AKAP7: variants seen among roughly 807,000 people sequenced by gnomAD.
The protein encoded by AKAP7 is A-kinase anchoring protein 7, also known as A kinase (PRKA) anchor protein 7.
Under a neutral mutation model 39.5 loss-of-function variants are expected in AKAP7, and 39 were observed. The ratio of observed to expected loss-of-function variants is 0.99; its 90% confidence interval spans 0.76 to 1.29. AKAP7 has a LOEUF of 1.29. Among genes scored for constraint, AKAP7 ranks in the 50% most tolerant of loss-of-function variants. The pLI, the probability that AKAP7 is intolerant of heterozygous loss-of-function variation, is 0.00. For synonymous variants in AKAP7, 140 were observed against 139.1 expected (o/e 1.01, Z -0.05); for missense variants, 414 against 407.7 (o/e 1.02, Z -0.13).
At chr6:131,250,692 CTCT>C in intron 7 of AKAP7, 1 of 1,491,002 alleles carries the variant, frequency 6.7e-7, no homozygotes, top group Non-Finnish European at 9.3e-7. Context: ...GGTAGTTTTG[CTCT>C]TTTTTTAATG....
rs746717383 is a variant in AKAP7 at position 131,165,157 on chromosome 6, A to C, written c.368A>C (p.Asp123Ala). Residue 123 changes from aspartate to alanine, a missense_variant, in exon 4 of 8, where the codon GAT becomes GCT. Coordinates refer to ENST00000431975, the MANE Select transcript of AKAP7 (RefSeq NM_016377.4). ...DERLAKAMVS[D>A]GSFHITLLVM... The stretch of plus-strand genomic sequence containing the variant: ...CGACTGGCCAAAGCAATGGTCAGTG[A>C]TGGTTCCTTTCATATTACCCTGCTG... The C allele has an allele frequency of 6.2e-6, 10 of 1,611,512 alleles. No individual in the cohort carries two copies. The South Asian group carries it at 6.6e-5, about 11-fold the overall frequency.
intron 5 of AKAP7, among the ~76,000 whole-genome samples, chr6:131,186,352 CATTATG>C (rs1323919908): frequency 2.6e-5 from 4 of 152,120 alleles, no homozygotes. Flanking sequence ...GAGATGCTGG[CATTATG>C]CTTCCTGTAC....
At position 131,254,314 on chromosome 6, in the gene AKAP7, AT is replaced by A. The variant is rs770756762; in HGVS notation, c.851-27213del. ...TTGCTGACTACTTATATAGAACTTGATTTATTTGAATTACCTAATTTCTCAT... is the reference window on the plus strand; with the variant it reads ...TTGCTGACTACTTATATAGAACTTGATTATTTGAATTACCTAATTTCTCAT... On this transcript the variant is annotated intron_variant, in intron 7 of 7. Transcript: ENST00000431975. Among the ~76,000 whole-genome samples, 18 of 152,284 alleles carry A rather than the reference AT, an allele frequency of 1.2e-4. 1 individual carries two copies. In the East Asian group the frequency reaches 3.3e-3, roughly 28 times the overall value.
chr6:131,256,701 C>T (rs1322155558), intron 7 of AKAP7, among the ~76,000 whole-genome samples: 2 of 132,404 alleles, frequency 1.5e-5, no homozygotes, highest in Non-Finnish European at 3.3e-5. Flanking sequence ...ATTACTCCTT[C>T]CTGGGACATT....
intron 7 of AKAP7, among the ~76,000 whole-genome samples, chr6:131,247,288 T>C (rs1259025260): frequency 1.2e-5 from 1 of 84,630 alleles, no homozygotes; most frequent in African/African-American, 5.2e-5. Context: ...TATATATATA[T>C]ATATATATAT....
intron 7 of AKAP7, among the ~76,000 whole-genome samples, chr6:131,230,419 C>G (rs1326400149): frequency 1.3e-5 from 2 of 151,980 alleles, no homozygotes; most frequent in African/African-American, 4.8e-5. Context: ...CTGTTCATGT[C>G]CTTTGCCCAT....
chr6:131,154,303 G>A (rs1433431496), intron 2 of AKAP7, among the ~76,000 whole-genome samples: 2 of 151,978 alleles, frequency 1.3e-5, no homozygotes, highest in South Asian at 2.1e-4. Flanking sequence ...TAACCTAGAC[G>A]GTAGGTTTAT....
rs1469262819 is a variant in AKAP7, at chr6:131,149,025, C to T, written c.151+3609C>T. 2.0e-5 allele frequency among the ~76,000 whole-genome samples: 3 copies of T among 152,138 alleles called. 1 individual carries two copies. Among genetic ancestry groups the T allele is most frequent in the African/African-American group, 7.2e-5 (3 of 41,414 alleles). ...TGGCAGAGCAATGAGGAAAGTAGTG[C>T]TAACAAAAACATCATGGGAAGGGGA... is the stretch of plus-strand genomic sequence containing the variant. On this transcript the variant is annotated intron_variant, in intron 2 of 7. Coordinates refer to ENST00000431975, the MANE Select transcript of AKAP7 (RefSeq NM_016377.4).
chr6:131,209,437 A>C, intron 6 of AKAP7, among the ~76,000 whole-genome samples: 1 of 151,976 alleles, frequency 6.6e-6, no homozygotes, highest in East Asian at 1.9e-4. Flanking sequence ...TTTTTAGTAG[A>C]GACGGGATTT....
rs538724854 is a variant in AKAP7, at chr6:131,153,874, A to G, written c.152-6185A>G. Among the ~76,000 whole-genome samples the G allele has an allele frequency of 3.3e-5, 5 of 152,302 alleles. No individual in the cohort carries two copies. In the South Asian group the frequency reaches 8.3e-4, roughly 25 times the overall value. On this transcript the variant is annotated intron_variant, in intron 2 of 7. Coordinates refer to ENST00000431975, the MANE Select transcript of AKAP7 (RefSeq NM_016377.4). The stretch of plus-strand genomic sequence containing the variant: ...TTATACTAACTGTGAGCAATATACT[A>G]TCTACATGACTTCTGTCTCATTCCA...
chr6:131,231,085 G>GAA, intron 7 of AKAP7, among the ~76,000 whole-genome samples: 1 of 152,094 alleles, frequency 6.6e-6, no homozygotes, highest in Admixed American at 6.5e-5. Flanking sequence ...ACTTAATTTT[G>GAA]ATCAGTATTT....
upstream of AKAP7, among the ~76,000 whole-genome samples, chr6:131,132,105 G>T (rs535991967): frequency 7.8e-4 from 119 of 152,212 alleles, 1 homozygote; most frequent in African/African-American, 2.8e-3. Flanking sequence ...GAGGTCAGGA[G>T]ATCGAGACCA....
At chr6:131,203,096 T>C (rs1807758807) in intron 6 of AKAP7, among the ~76,000 whole-genome samples, 1 of 152,106 alleles carries the variant, frequency 6.6e-6, no homozygotes, top group Non-Finnish European at 1.5e-5. Context: ...TAAATAAATA[T>C]CCAACAGTTT....
chr6:131,139,292 C>G (rs978608569), intron 1 of AKAP7, among the ~76,000 whole-genome samples: 3 of 152,110 alleles, frequency 2.0e-5, no homozygotes, highest in Non-Finnish European at 4.4e-5. Flanking sequence ...TAATTCCTAT[C>G]TCAAAAATTG....
intron 7 of AKAP7, among the ~76,000 whole-genome samples, chr6:131,241,378 C>T (rs1811538903): frequency 6.6e-6 from 1 of 151,922 alleles, no homozygotes; most frequent in East Asian, 1.9e-4. Flanking sequence ...CAGAAGAGAA[C>T]CCTAGGTTGG....
chr6:131,280,488 T>C (rs1430400467), intron 7 of AKAP7, among the ~76,000 whole-genome samples: 2 of 152,198 alleles, frequency 1.3e-5, no homozygotes, highest in Non-Finnish European at 2.9e-5. Context: ...ATCTTCCAGC[T>C]CACACCCTTT....
chr6:131,259,982 C>G (rs550980398), intron 7 of AKAP7, among the ~76,000 whole-genome samples: 1 of 152,078 alleles, frequency 6.6e-6, no homozygotes, highest in Non-Finnish European at 1.5e-5. Context: ...CCAGTGTGTG[C>G]TGTTCCCCTC....
intron 7 of AKAP7, chr6:131,250,352 C>T: frequency 7.3e-7 from 1 of 1,373,778 alleles, no homozygotes; most frequent in Non-Finnish European, 9.4e-7. Flanking sequence ...TTGCATTAGG[C>T]TGGAGGACTG....
At chr6:131,269,269 G>C (rs1256504677) in intron 7 of AKAP7, among the ~76,000 whole-genome samples, 2 of 152,124 alleles carry the variant, frequency 1.3e-5, no homozygotes, top group African/African-American at 4.8e-5. Context: ...CACCATGTTG[G>C]CCAGGCTGCT....
Sources: gnomAD v4.1 joint callset for allele counts (sites outside exome capture counted in the v4.1 genomes callset) on GRCh38, gnomAD v4.1.1 for gene constraint, MANE v1.5 for transcripts, NCBI Gene and HGNC (gene_info 2026-07-23, HGNC 2026-07-21) for gene names.